The following B3GALT1 variants were observed in gnomAD, a reference collection of about 807,000 sequenced individuals.
The protein encoded by B3GALT1 is beta-1,3-galactosyltransferase 1.
Under a neutral mutation model 23.2 loss-of-function variants are expected in B3GALT1, and 10 were observed. The observed-to-expected ratio is 0.43, with a 90% CI of 0.27 to 0.73. B3GALT1 has a LOEUF of 0.73. Ranked by LOEUF, B3GALT1 falls within the 30% of genes least tolerant of loss-of-function variation. The probability of loss-of-function intolerance (pLI) is 0.21; values close to 1 mark genes in which losing one functional copy is unlikely to be tolerated. For synonymous variants in B3GALT1, 156 were observed against 141.5 expected (o/e 1.10, Z -0.73); for missense variants, 299 against 405.4 (o/e 0.74, Z 2.25).
intron 3 of B3GALT1, among the ~76,000 whole-genome samples, chr2:167,705,669 CA>C (rs1264087377): frequency 1.3e-5 from 2 of 152,194 alleles, no homozygotes. Context: ...AATAGACCCA[CA>C]TACTCCTAAA....
chr2:167,715,965 G>T, intron 3 of B3GALT1: 1 of 1,612,838 alleles, frequency 6.2e-7, no homozygotes, highest in East Asian at 2.2e-5. Context: ...ATAAGGATTC[G>T]AATCTTGTCT....
At chr2:167,309,127 A>T (rs1030309142) in intron 1 of B3GALT1, among the ~76,000 whole-genome samples, 1 of 152,080 alleles carries the variant, frequency 6.6e-6, no homozygotes, top group Non-Finnish European at 1.5e-5. Flanking sequence ...GACTTGTCAT[A>T]GCTCATAATT....
intron 3 of B3GALT1, among the ~76,000 whole-genome samples, chr2:167,664,431 A>T (rs1333320647): frequency 6.6e-6 from 1 of 151,826 alleles, no homozygotes; most frequent in African/African-American, 2.4e-5. Flanking sequence ...CTTAGGATTG[A>T]CTTGGCAATG....
chr2:167,483,275 G>A (rs1471760975), intron 1 of B3GALT1, among the ~76,000 whole-genome samples: 3 of 151,908 alleles, frequency 2.0e-5, no homozygotes, highest in Non-Finnish European at 4.4e-5. Context: ...CCTGGGCAAC[G>A]AGAGCAAAAC....
At chr2:167,582,570 T>C (rs1185246463) in intron 2 of B3GALT1, among the ~76,000 whole-genome samples, 1 of 152,224 alleles carries the variant, frequency 6.6e-6, no homozygotes, top group Non-Finnish European at 1.5e-5. Context: ...TTTAACTGTT[T>C]CTTTAAAAAG....
intron 2 of B3GALT1, among the ~76,000 whole-genome samples, chr2:167,511,424 C>A (rs1022917371): frequency 2.6e-5 from 4 of 152,158 alleles, no homozygotes; most frequent in Non-Finnish European, 5.9e-5. Context: ...TCTCTCCTGT[C>A]ACCACGTGAA....
intron 2 of B3GALT1, among the ~76,000 whole-genome samples, chr2:167,550,139 A>T (rs1683720504): frequency 6.6e-6 from 1 of 152,172 alleles, no homozygotes; most frequent in African/African-American, 2.4e-5. Context: ...CATCCTTCTC[A>T]TCTCTTTGCA....
At chr2:167,648,053 C>A (rs1685779211) in intron 3 of B3GALT1, among the ~76,000 whole-genome samples, 1 of 152,080 alleles carries the variant, frequency 6.6e-6, no homozygotes, top group Non-Finnish European at 1.5e-5. Context: ...TTTAATTAAT[C>A]TGCCACTAAA....
In B3GALT1 at chr2:167,710,566, T is replaced by C. The variant is rs367908342; in HGVS notation, c.-352+63600T>C. On this transcript the variant is annotated intron_variant, in intron 3 of 4. Coordinates refer to ENST00000392690, the MANE Select transcript of B3GALT1 (RefSeq NM_020981.4). Reference sequence around the variant, plus strand: ...AGCATTGTCTGCAGGTCCTCCTCGATGTATGAGAGACCAACCTCCTAGGGC... The same window carrying C: ...AGCATTGTCTGCAGGTCCTCCTCGACGTATGAGAGACCAACCTCCTAGGGC... 3.9e-5 allele frequency among the ~76,000 whole-genome samples: 6 copies of C among 152,300 alleles called. No homozygotes were observed. The East Asian group carries it at 9.6e-4, about 24-fold the overall frequency.
intron 1 of B3GALT1, among the ~76,000 whole-genome samples, chr2:167,328,781 G>A (rs1696931601): frequency 6.6e-6 from 1 of 151,568 alleles, no homozygotes; most frequent in African/African-American, 2.4e-5. Flanking sequence ...GTCCTTTGAG[G>A]TCTATCATTA....
At chr2:167,759,441 T>C (rs996996905) in intron 3 of B3GALT1, among the ~76,000 whole-genome samples, 1 of 152,206 alleles carries the variant, frequency 6.6e-6, no homozygotes, top group Admixed American at 6.5e-5. Flanking sequence ...ACTTGCATGA[T>C]GTTTGCACAT....
intron 3 of B3GALT1, among the ~76,000 whole-genome samples, chr2:167,793,718 A>G (rs948906682): frequency 6.6e-6 from 1 of 152,216 alleles, no homozygotes; most frequent in African/African-American, 2.4e-5. Context: ...TTTTAGAAAC[A>G]AAAAATTCAG....
At chr2:167,785,231 T>A (rs1296102503) in intron 3 of B3GALT1, among the ~76,000 whole-genome samples, 1 of 152,194 alleles carries the variant, frequency 6.6e-6, no homozygotes, top group Non-Finnish European at 1.5e-5. Flanking sequence ...AAAGACTGGA[T>A]CTGAGTTAGA....
chr2:167,741,803 A>G (rs1213963873), intron 3 of B3GALT1, among the ~76,000 whole-genome samples: 3 of 152,170 alleles, frequency 2.0e-5, no homozygotes, highest in Non-Finnish European at 2.9e-5. Context: ...CTTGACTACA[A>G]TAATGGAGTT....
intron 2 of B3GALT1, among the ~76,000 whole-genome samples, chr2:167,628,341 G>T (rs1279512191): frequency 1.3e-5 from 2 of 151,492 alleles, no homozygotes; most frequent in Non-Finnish European, 3.0e-5. Context: ...TAAACTTTTA[G>T]GAGACAGAGT....
chr2:167,847,960 A>G (rs1689796428), intron 4 of B3GALT1, among the ~76,000 whole-genome samples: 1 of 152,190 alleles, frequency 6.6e-6, no homozygotes, highest in East Asian at 1.9e-4. Context: ...TACTATGAAC[A>G]CCTTTGCATA....
At chr2:167,851,393 A>G (rs1689883615) in intron 4 of B3GALT1, among the ~76,000 whole-genome samples, 1 of 152,196 alleles carries the variant, frequency 6.6e-6, no homozygotes, top group South Asian at 2.1e-4. Context: ...CCAAAAGGGA[A>G]GTCACAGAAC....
At chr2:167,751,946 A>T (rs1339381724) in intron 3 of B3GALT1, among the ~76,000 whole-genome samples, 1 of 152,198 alleles carries the variant, frequency 6.6e-6, no homozygotes, top group Non-Finnish European at 1.5e-5. Context: ...TATGGCAAAC[A>T]CTATGAGAGC....
chr2:167,680,418 A>G (rs1056399784), intron 3 of B3GALT1, among the ~76,000 whole-genome samples: 16 of 127,692 alleles, frequency 1.3e-4, no homozygotes, highest in African/African-American at 4.3e-4. Context: ...AGAGAGAGAG[A>G]GAGAGAGAAC....
Sources: gnomAD v4.1 joint callset for allele counts (sites outside exome capture counted in the v4.1 genomes callset) on GRCh38, gnomAD v4.1.1 for gene constraint, MANE v1.5 for transcripts, NCBI Gene and HGNC (gene_info 2026-07-23, HGNC 2026-07-21) for gene names.